KSR2: variants seen among roughly 807,000 people sequenced by gnomAD.
KSR2 encodes the protein kinase suppressor of ras 2.
Under a neutral mutation model 107.8 loss-of-function variants are expected in KSR2, and 25 were observed. The ratio of observed to expected loss-of-function variants is 0.23; its 90% CI spans 0.17 to 0.32. The LOEUF (loss-of-function observed/expected upper bound fraction) is 0.32. Among genes scored for constraint, KSR2 ranks in the 10% least tolerant of loss-of-function variants. KSR2 has a pLI of 1.00. For synonymous variants in KSR2, 480 were observed against 507.0 expected (o/e 0.95, Z 0.71); for missense variants, 887 against 1,268.9 (o/e 0.70, Z 4.57).
chr12:117,616,150 G>A (rs1447502309), intron 5 of KSR2, among the ~76,000 whole-genome samples: 2 of 114,194 alleles, frequency 1.8e-5, no homozygotes, highest in Admixed American at 1.0e-4. Context: ...GACAGAGTGA[G>A]ACCCTGTCTC....
At chr12:117,714,492 T>C (rs1028252686) in intron 4 of KSR2, among the ~76,000 whole-genome samples, 2 of 152,172 alleles carry the variant, frequency 1.3e-5, no homozygotes, top group African/African-American at 2.4e-5. Context: ...GAAATGACAC[T>C]GGCAGAGAAC....
chr12:117,731,923 G>C (rs902867983), intron 4 of KSR2, among the ~76,000 whole-genome samples: 3 of 140,072 alleles, frequency 2.1e-5, no homozygotes, highest in Non-Finnish European at 4.8e-5. Context: ...CCTGTGCCTA[G>C]GAAAACTAGA....
intron 5 of KSR2, among the ~76,000 whole-genome samples, chr12:117,596,208 T>C (rs899126555): frequency 1.3e-5 from 2 of 152,166 alleles, no homozygotes; most frequent in African/African-American, 4.8e-5. Flanking sequence ...AGGCACGTCT[T>C]ACATGGCAGC....
intron 4 of KSR2, among the ~76,000 whole-genome samples, chr12:117,701,520 T>C (rs1473274097): frequency 2.6e-5 from 4 of 152,068 alleles, no homozygotes; most frequent in African/African-American, 9.7e-5. Context: ...GGCTGAATGG[T>C]GCTTCTCCAA....
chr12:117,636,465 C>T (rs1401445630), intron 5 of KSR2, among the ~76,000 whole-genome samples: 1 of 142,156 alleles, frequency 7.0e-6, no homozygotes, highest in South Asian at 2.3e-4. Context: ...AAATAACAAA[C>T]CAGTCACACC....
At chr12:117,855,388 G>A in intron 3 of KSR2, 40 bp downstream of exon 3, 1 of 1,612,822 alleles carries the variant, frequency 6.2e-7, no homozygotes, top group Non-Finnish European at 8.5e-7. Flanking sequence ...AGCTGTGCTG[G>A]GGACAAGTCT....
At chr12:117,549,012 A>T (rs1877088699) in intron 9 of KSR2, among the ~76,000 whole-genome samples, 1 of 152,240 alleles carries the variant, frequency 6.6e-6, no homozygotes, top group Non-Finnish European at 1.5e-5. Context: ...CCACTTGGAC[A>T]TAGTCTTACT....
intron 4 of KSR2, among the ~76,000 whole-genome samples, chr12:117,721,909 G>T (rs935117009): frequency 6.6e-6 from 1 of 152,152 alleles, no homozygotes. Flanking sequence ...ATGTCCAAAA[G>T]AACTCTTTAT....
chr12:117,951,782 G>A (rs988209653), intron 1 of KSR2, among the ~76,000 whole-genome samples: 1 of 152,138 alleles, frequency 6.6e-6, no homozygotes, highest in African/African-American at 2.4e-5. Context: ...TCTCCAGAGA[G>A]CAAAATCAAA....
chr12:117,630,259 C>T (rs1297907052), intron 5 of KSR2, among the ~76,000 whole-genome samples: 1 of 152,178 alleles, frequency 6.6e-6, no homozygotes, highest in Non-Finnish European at 1.5e-5. Flanking sequence ...GCTCGATGCT[C>T]AATTGTGTTC....
At chr12:117,490,453 T>C (rs1428079898) in intron 14 of KSR2, among the ~76,000 whole-genome samples, 1 of 152,232 alleles carries the variant, frequency 6.6e-6, no homozygotes, top group Non-Finnish European at 1.5e-5. Flanking sequence ...CTGTATCTCG[T>C]TGATTCCAAA....
At chr12:117,831,385 T>G (rs1891958524) in intron 3 of KSR2, among the ~76,000 whole-genome samples, 1 of 152,192 alleles carries the variant, frequency 6.6e-6, no homozygotes, top group African/African-American at 2.4e-5. Context: ...CCAGGGCACC[T>G]CTTCTTTGCC....
chr12:117,815,161 C>G (rs1214111600), intron 3 of KSR2, among the ~76,000 whole-genome samples: 1 of 152,120 alleles, frequency 6.6e-6, no homozygotes, highest in Non-Finnish European at 1.5e-5. Flanking sequence ...GCCCTTTGAC[C>G]CAGCAATTAC....
chr12:117,582,865 G>C (rs1206390843), intron 5 of KSR2, among the ~76,000 whole-genome samples: 1 of 152,168 alleles, frequency 6.6e-6, no homozygotes, highest in African/African-American at 2.4e-5. Context: ...GAGTGCAGTG[G>C]ATTCCCAGTG....
At chr12:117,885,800 T>C (rs1369734481) in intron 1 of KSR2, among the ~76,000 whole-genome samples, 1 of 151,856 alleles carries the variant, frequency 6.6e-6, no homozygotes, top group Non-Finnish European at 1.5e-5. Flanking sequence ...CACATATACC[T>C]ATGTAACAAA....
rs1870631997 is a variant in KSR2 at position 117,456,498 on chromosome 12, T to TA, written c.*10700dup. The stretch of plus-strand genomic sequence containing the variant: ...CTAGAATCTTACAGGACCAATACAT[T>TA]ACATTTGTTGTCCAGGACGCACTTA... On this transcript the variant is annotated 3_prime_UTR_variant, in exon 20 of 20. Coordinates refer to ENST00000339824, the MANE Select transcript of KSR2 (RefSeq NM_173598.6). 1 of 152,204 alleles carries TA rather than the reference T, an allele frequency of 6.6e-6. No homozygotes were observed. Among genetic ancestry groups the TA allele is most frequent in the Non-Finnish European group, 1.5e-5 (1 of 68,062 alleles). The allele number at this position is 152,204 out of a possible 1,614,324, so 9.4% of individuals were successfully genotyped here.
chr12:117,736,823 A>G (rs7487946), intron 4 of KSR2, among the ~76,000 whole-genome samples: 125 of 145,032 alleles, frequency 8.6e-4, no homozygotes, highest in Non-Finnish European at 1.5e-3. Flanking sequence ...AAAAAAAAAA[A>G]AAAAGAAAAG....
chr12:117,620,206 C>T (rs1040333816), intron 5 of KSR2, among the ~76,000 whole-genome samples: 5 of 152,234 alleles, frequency 3.3e-5, no homozygotes, highest in Admixed American at 6.5e-5. Flanking sequence ...TCTGAACCCA[C>T]GTCTAAAAGC....
intron 9 of KSR2, among the ~76,000 whole-genome samples, chr12:117,552,540 G>C (rs997637577): frequency 6.6e-6 from 1 of 152,180 alleles, no homozygotes; most frequent in Non-Finnish European, 1.5e-5. Flanking sequence ...GCCATATTGT[G>C]AGGACACCCA....
Sources: gnomAD v4.1 joint callset for allele counts (sites outside exome capture counted in the v4.1 genomes callset) on GRCh38, gnomAD v4.1.1 for gene constraint, MANE v1.5 for transcripts, NCBI Gene and HGNC (gene_info 2026-07-23, HGNC 2026-07-21) for gene names.